Variants in AAK1 observed in about 807,000 individuals in gnomAD.
The protein encoded by AAK1 is AP2 associated kinase 1, also known as AP2-associated protein kinase 1.
In AAK1, 37 loss-of-function variants were observed where a neutral mutation model predicts 116.0. The observed-to-expected ratio is 0.32, with a 90% CI of 0.25 to 0.42. The LOEUF (loss-of-function observed/expected upper bound fraction) is 0.42. AAK1 is among the 10% of genes least tolerant of loss of function. The pLI is 1.00. For synonymous variants in AAK1, 458 were observed against 439.9 expected (o/e 1.04, Z -0.51); for missense variants, 919 against 1,170.6 (o/e 0.79, Z 3.14).
intron 2 of AAK1, among the ~76,000 whole-genome samples, chr2:69,558,822 G>A (rs531278096): frequency 2.6e-5 from 4 of 152,094 alleles, no homozygotes; most frequent in Non-Finnish European, 4.4e-5. Context: ...ATAAAGCCTC[G>A]GGTCCTGATT....
At chr2:69,617,481 T>G (rs1302705303) in intron 2 of AAK1, among the ~76,000 whole-genome samples, 1 of 152,190 alleles carries the variant, frequency 6.6e-6, no homozygotes, top group African/African-American at 2.4e-5. Context: ...ATGCATTAAT[T>G]TAATACCTAC....
intron 2 of AAK1, among the ~76,000 whole-genome samples, chr2:69,636,338 C>G (rs1035055765): frequency 1.3e-5 from 2 of 152,144 alleles, no homozygotes; most frequent in South Asian, 4.1e-4. Flanking sequence ...AATAAGTTAA[C>G]CAAAATCTTG....
intron 2 of AAK1, among the ~76,000 whole-genome samples, chr2:69,583,972 A>T (rs1392559457): frequency 6.6e-6 from 1 of 152,222 alleles, no homozygotes; most frequent in Non-Finnish European, 1.5e-5. Context: ...GGTATCAGCC[A>T]TGTTCTGATA....
chr2:69,508,053 C>T (rs1422078536), intron 14 of AAK1, among the ~76,000 whole-genome samples: 2 of 152,190 alleles, frequency 1.3e-5, no homozygotes, highest in African/African-American at 2.4e-5. Flanking sequence ...GAAGAATTTC[C>T]GCAGATACCC....
At chr2:69,517,147 G>A (rs1019617785) in intron 12 of AAK1, 18 of 152,200 alleles carry the variant, frequency 1.2e-4, no homozygotes, top group African/African-American at 3.9e-4. Flanking sequence ...AAACAAAAAC[G>A]TCACTGTTCA....
At chr2:69,476,091 C>T (rs1674847400) in intron 21 of AAK1, 128 bp from the exon 22 acceptor site, 1 of 1,453,796 alleles carries the variant, frequency 6.9e-7, no homozygotes, top group African/African-American at 1.4e-5. Context: ...AAAAACCAAA[C>T]CCTAGAGAAG....
chr2:69,475,397 C>T lies in AAK1; in HGVS notation c.*472G>A, dbSNP rs558793473. 14 of 994,490 alleles carry T rather than the reference C, an allele frequency of 1.4e-5. No homozygotes were observed. The South Asian group carries it at 5.0e-4, about 35-fold the overall frequency. The allele number at this position is 994,490 out of a possible 1,614,324, so 61.6% of individuals were successfully genotyped here. A position where few individuals can be genotyped will look rare whatever the true frequency, so the allele number is the denominator to read the frequency against. On this transcript the variant is annotated 3_prime_UTR_variant, in exon 22 of 22. Transcript: ENST00000409085. ...TTAAGACCAACTGAAGTAGCCATGT[C>T]CTCATGATAATGCATCAGGATAAAA...
chr2:69,553,871 T>C (rs1484427699), intron 3 of AAK1, among the ~76,000 whole-genome samples: 2 of 147,348 alleles, frequency 1.4e-5, no homozygotes, highest in Non-Finnish European at 3.0e-5. Context: ...AGCTCAAGAG[T>C]GTGAGACCAG....
At chr2:69,596,731 A>C (rs1673308502) in intron 2 of AAK1, among the ~76,000 whole-genome samples, 1 of 152,156 alleles carries the variant, frequency 6.6e-6, no homozygotes, top group Non-Finnish European at 1.5e-5. Flanking sequence ...GGCCTCTGTG[A>C]CTAGCAGTTC....
intron 11 of AAK1, among the ~76,000 whole-genome samples, chr2:69,519,842 T>C (rs1290686519): frequency 6.6e-6 from 1 of 152,194 alleles, no homozygotes; most frequent in African/African-American, 2.4e-5. Context: ...CTTCTGTGAA[T>C]GTCAAAAGAG....
intron 2 of AAK1, chr2:69,597,525 A>T: frequency 6.4e-6 from 1 of 156,792 alleles, no homozygotes; most frequent in Non-Finnish European, 1.4e-5. Context: ...GACAATTTAC[A>T]GACAATACCT....
chr2:69,544,458 G>A lies in AAK1; in HGVS notation c.369C>T (p.Leu123=). ...NVSSGDVWEV[L]ILMDFCRGGQ... is the part of the protein sequence containing the mutation. ...TACCTCTACAAAAGTCCATCAGAAT[G>A]AGCACTTCCCATACATCACCGCTAC... The change falls in exon 4 of 22, where the codon CTC becomes CTT. Residue 123 remains leucine, a synonymous_variant. Coordinates refer to ENST00000409085, the MANE Select transcript of AAK1 (RefSeq NM_014911.5). 7 of 1,612,962 alleles carry A rather than the reference G, an allele frequency of 4.3e-6. No individual in the cohort carries two copies. The highest frequency in any genetic ancestry group is 5.9e-6 in the Non-Finnish European group (7 of 1,179,038).
At chr2:69,505,389 GC>G (rs1435497038) in intron 16 of AAK1, among the ~76,000 whole-genome samples, 179 bp downstream of exon 16, 2 of 151,836 alleles carry the variant, frequency 1.3e-5, no homozygotes, top group African/African-American at 4.8e-5. Context: ...TGATCAGAAA[GC>G]TTTTGAATTA....
At chr2:69,503,254 T>C (rs1676046896) in intron 16 of AAK1, among the ~76,000 whole-genome samples, 2 of 152,234 alleles carry the variant, frequency 1.3e-5, no homozygotes. Context: ...TTTATGAGGT[T>C]AGAAAAACTA....
rs557899119 is a variant in AAK1, at chr2:69,542,989, G to A, written c.392-324C>T. On this transcript the variant is annotated intron_variant, in intron 4 of 21. Transcript: ENST00000409085. ...TTAGTTGCCTGGTTATATTGTGTTC[G>A]TTGTGTATGAGACATGGCCACAGCC... 1.5e-4 allele frequency among the ~76,000 whole-genome samples: 23 copies of A among 152,320 alleles called. No homozygotes were observed. In the South Asian group the frequency reaches 4.6e-3, roughly 30 times the overall value.
At chr2:69,534,927 CAAGT>C (rs1670399453) in intron 5 of AAK1, among the ~76,000 whole-genome samples, 1 of 152,154 alleles carries the variant, frequency 6.6e-6, no homozygotes, top group Non-Finnish European at 1.5e-5. Context: ...CTTGCCTTCC[CAAGT>C]AAGAATACAA....
Position 69,502,536 on chromosome 2 carries a change from G to A in AAK1, c.2269+3033C>T, listed in dbSNP as rs934337335. Reference sequence around the variant, plus strand: ...CTTGGGAGGCTGAGGCAGGAGAATCGCTTGAACCTGGGAGGCAGAGGTTGC... The same window carrying A: ...CTTGGGAGGCTGAGGCAGGAGAATCACTTGAACCTGGGAGGCAGAGGTTGC... On this transcript the variant is annotated intron_variant, in intron 16 of 21. Coordinates refer to ENST00000409085, the MANE Select transcript of AAK1 (RefSeq NM_014911.5). Among the ~76,000 whole-genome samples the A allele has an allele frequency of 7.9e-5, 12 of 152,222 alleles. 1 individual carries two copies. The highest frequency in any genetic ancestry group is 6.2e-4 in the South Asian group (3 of 4,824).
Position 69,466,343 on chromosome 2 carries a change from A to C in AAK1, c.*9526T>G. The C allele has an allele frequency of 7.8e-7, 1 of 1,289,800 alleles. No homozygotes were observed. The highest frequency in any genetic ancestry group is 1.0e-6 in the Non-Finnish European group (1 of 988,870). 79.9% of individuals were successfully genotyped at this position (1,289,800 alleles called of 1,614,324 possible). A position where few individuals can be genotyped will look rare whatever the true frequency, so the allele number is the denominator to read the frequency against. On this transcript the variant is annotated 3_prime_UTR_variant, in exon 22 of 22. Transcript: ENST00000409085. ...CACTGCAGTCCAGCATGTCTCCTTCAAGGTCAGTCCCTTCCTCTTCGCTGC... is the reference window on the plus strand; with the variant it reads ...CACTGCAGTCCAGCATGTCTCCTTCCAGGTCAGTCCCTTCCTCTTCGCTGC...
At chr2:69,506,677 G>T (rs1335420036) in intron 15 of AAK1, among the ~76,000 whole-genome samples, 16 of 152,152 alleles carry the variant, frequency 1.1e-4, no homozygotes, top group Non-Finnish European at 2.1e-4. Flanking sequence ...AGTTTTAAAA[G>T]ATTTCTATAA....
Sources: gnomAD v4.1 joint callset for allele counts (sites outside exome capture counted in the v4.1 genomes callset) on GRCh38, gnomAD v4.1.1 for gene constraint, MANE v1.5 for transcripts, NCBI Gene and HGNC (gene_info 2026-07-23, HGNC 2026-07-21) for gene names.